ATXN1: variants seen among roughly 807,000 people sequenced by gnomAD.
The protein encoded by ATXN1 is ataxin-1.
Under a neutral mutation model 56.4 loss-of-function variants are expected in ATXN1, and 8 were observed. The observed-to-expected ratio is 0.14, with a 90% CI of 0.08 to 0.26. ATXN1 has a LOEUF of 0.26. Ranked by LOEUF, ATXN1 falls within the 10% of genes least tolerant of loss-of-function variation. The pLI, the probability that ATXN1 is intolerant of heterozygous loss-of-function variation, is 1.00. For missense variants in ATXN1, 987 were observed against 1,106.5 expected, an observed-to-expected ratio of 0.89 and a Z score of 1.53; for synonymous variants, 514 against 494.6, an observed-to-expected ratio of 1.04 and a Z score of -0.52.
At chr6:16,525,162 C>T (rs557918048) in intron 4 of ATXN1, among the ~76,000 whole-genome samples, 54 of 152,228 alleles carry the variant, frequency 3.5e-4, no homozygotes, top group African/African-American at 1.2e-3. Context: ...AGAAATCCCA[C>T]GACTGGGTAT....
intron 3 of ATXN1, among the ~76,000 whole-genome samples, chr6:16,611,133 A>C: frequency 6.6e-6 from 1 of 152,226 alleles, no homozygotes; most frequent in South Asian, 2.1e-4. Context: ...GAAAAGTTAC[A>C]TAATATTTAA....
intron 4 of ATXN1, among the ~76,000 whole-genome samples, chr6:16,523,934 C>G (rs938392853): frequency 6.6e-6 from 1 of 152,236 alleles, no homozygotes; most frequent in African/African-American, 2.4e-5. Context: ...TCTCCAGAGA[C>G]TATTTTAAAG....
At chr6:16,733,404 A>T (rs1240583) in intron 2 of ATXN1, among the ~76,000 whole-genome samples, 75,457 of 151,648 alleles carry the variant, frequency 0.5, 19,053 homozygotes, top group East Asian at 0.64. Context: ...CTACAAAAAA[A>T]TTTTAAAAAT....
chr6:16,306,781 T>C lies in ATXN1; in HGVS notation c.1996A>G (p.Ser666Gly), dbSNP rs908265854. ...GWSSCCPERT[S>G]QLFDLPCSKL... ...GAACACGGCAAATCAAAGAGCTGGC[T>C]GGTTCTCTCCGGACAGCAGGATGAC... The change falls in exon 8 of 8, where the codon AGC (serine) becomes GGC (glycine). Residue 666 changes from serine to glycine, a missense_variant. This residue lies in a region of ATXN1 where 196 missense variants were observed against 196.7 expected (regional missense o/e 1.00). Coordinates refer to ENST00000436367, the MANE Select transcript of ATXN1 (RefSeq NM_001128164.2). The surrounding 1 kb of genome is among the most constrained non-coding windows in gnomAD (Gnocchi z 5.2). 13 of 1,614,018 alleles carry C rather than the reference T, an allele frequency of 8.1e-6. No homozygotes were observed. The African/African-American group carries it at 1.6e-4, about 20-fold the overall frequency.
intron 2 of ATXN1, chr6:16,752,949 T>A (rs1451696296): frequency 3.8e-6 from 1 of 265,640 alleles, no homozygotes; most frequent in African/African-American, 2.3e-5. Flanking sequence ...AACTGACAAT[T>A]AAAATGATGA....
chr6:16,637,057 T>C (rs1763610618), intron 3 of ATXN1, among the ~76,000 whole-genome samples: 2 of 152,168 alleles, frequency 1.3e-5, no homozygotes, highest in African/African-American at 4.8e-5. Context: ...GTATGTTTAT[T>C]GCGGCACTAT....
intron 3 of ATXN1, among the ~76,000 whole-genome samples, chr6:16,645,947 T>C (rs1320930474): frequency 1.3e-5 from 2 of 152,150 alleles, no homozygotes; most frequent in Non-Finnish European, 1.5e-5. Flanking sequence ...AGGCTATGTG[T>C]GGTGGCACAT....
chr6:16,468,848 T>C (rs1227215579), intron 6 of ATXN1, among the ~76,000 whole-genome samples: 2 of 152,044 alleles, frequency 1.3e-5, no homozygotes, highest in Non-Finnish European at 2.9e-5. Context: ...ACCTTACTTT[T>C]GAACAGAACA....
chr6:16,594,045 A>G (rs1470259753), intron 3 of ATXN1, among the ~76,000 whole-genome samples: 3 of 149,058 alleles, frequency 2.0e-5, no homozygotes, highest in Non-Finnish European at 4.4e-5. Flanking sequence ...AATTATACAT[A>G]TTAGTTCAAT....
chr6:16,435,420 G>A (rs137949677), intron 6 of ATXN1, among the ~76,000 whole-genome samples: 12 of 152,172 alleles, frequency 7.9e-5, no homozygotes, highest in East Asian at 5.8e-4. Context: ...ACTTAGAGGC[G>A]TAGAAAGCAG....
chr6:16,320,329 C>T (rs541620387), intron 7 of ATXN1, among the ~76,000 whole-genome samples: 24 of 152,248 alleles, frequency 1.6e-4, no homozygotes, highest in Middle Eastern at 3.4e-3. Flanking sequence ...CTCACACCCA[C>T]GCCAGGACAG....
chr6:16,410,770 A>T lies in ATXN1; in HGVS notation c.-161+75202T>A, dbSNP rs1192262654. On this transcript the variant is annotated intron_variant, in intron 6 of 7. Coordinates refer to ENST00000436367, the MANE Select transcript of ATXN1 (RefSeq NM_001128164.2). The surrounding 1 kb of genome is among the most constrained non-coding windows in gnomAD (Gnocchi z 4.6). ...CGTGGAGCAAAGTGAATTTGAAGTT[A>T]AGTCTCCTCTTAGTGTAGCAGTACG... 6.6e-6 allele frequency among the ~76,000 whole-genome samples: 1 copy of T among 152,176 alleles called. No homozygotes were observed. Among genetic ancestry groups the T allele is most frequent in the Middle Eastern group, 3.2e-3 (1 of 316 alleles).
intron 6 of ATXN1, among the ~76,000 whole-genome samples, chr6:16,339,836 G>A (rs1271787592): frequency 6.6e-6 from 1 of 152,178 alleles, no homozygotes; most frequent in Non-Finnish European, 1.5e-5. Context: ...ATGCTGTAGT[G>A]CAGTGGCGTG....
intron 6 of ATXN1, among the ~76,000 whole-genome samples, chr6:16,352,831 G>A (rs1761597895): frequency 6.6e-6 from 1 of 152,100 alleles, no homozygotes; most frequent in South Asian, 2.1e-4. Flanking sequence ...CACAGTATGA[G>A]ATTAATGATA....
intron 6 of ATXN1, among the ~76,000 whole-genome samples, chr6:16,442,457 T>C (rs1759538353): frequency 6.6e-6 from 1 of 151,906 alleles, no homozygotes. Context: ...AATGACTATG[T>C]GCCCTGACAA....
At chr6:16,389,896 T>TG (rs140731274) in intron 6 of ATXN1, among the ~76,000 whole-genome samples, 23,336 of 152,128 alleles carry the variant, frequency 0.15, 2,042 homozygotes, top group African/African-American at 0.23. Context: ...GGATCAGTAT[T>TG]AAGAGTCCTG....
intron 2 of ATXN1, among the ~76,000 whole-genome samples, chr6:16,712,529 AAAGT>A (rs1759547927): frequency 6.6e-6 from 1 of 152,174 alleles, no homozygotes; most frequent in Admixed American, 6.5e-5. Context: ...CAAGAAGTAG[AAAGT>A]AAGAGACCTA....
chr6:16,379,848 C>T (rs1428365996), intron 6 of ATXN1, among the ~76,000 whole-genome samples: 1 of 152,094 alleles, frequency 6.6e-6, no homozygotes, highest in East Asian at 1.9e-4. Flanking sequence ...TTGAACATAT[C>T]CTCAAGATGA....
intron 4 of ATXN1, among the ~76,000 whole-genome samples, chr6:16,541,188 T>C (rs1761707301): frequency 6.6e-6 from 1 of 152,202 alleles, no homozygotes; most frequent in African/African-American, 2.4e-5. Flanking sequence ...GGGGAGCCTC[T>C]GGGGCTTTGC....
Sources: allele counts gnomAD v4.1 joint callset (sites outside exome capture counted in the v4.1 genomes callset), GRCh38; gene constraint gnomAD v4.1.1; regional missense constraint gnomAD v4.1.1; non-coding constraint Gnocchi (gnomAD v3.1); transcripts MANE v1.5; gene names NCBI Gene and HGNC (gene_info 2026-07-23, HGNC 2026-07-21).